CR1: variants seen among roughly 807,000 people sequenced by gnomAD.
CR1 encodes the protein complement C3b/C4b receptor 1 (Knops blood group), also known as complement receptor type 1.
CR1 carries 116 observed loss-of-function variants against 187.3 expected under a neutral mutation model. The observed-to-expected ratio is 0.62, with a 90% CI of 0.53 to 0.72. The LOEUF (loss-of-function observed/expected upper bound fraction) is 0.72. Among genes scored for constraint, CR1 ranks in the 30% least tolerant of loss-of-function variants. CR1 has a pLI of 0.00. For synonymous variants in CR1, 576 were observed against 747.1 expected, an observed-to-expected ratio of 0.77 and a Z score of 3.73; for missense variants, 1,731 against 2,110.7, an observed-to-expected ratio of 0.82 and a Z score of 3.52.
chr1:207,632,887 C>T (rs1253627340), intron 46 of CR1, among the ~76,000 whole-genome samples: 1 of 149,476 alleles, frequency 6.7e-6, no homozygotes, highest in Non-Finnish European at 1.5e-5. Context: ...CTCCAAAGTT[C>T]TTGCGTGAGG....
intron 4 of CR1, 140 bp downstream of exon 4, chr1:207,511,794 C>G: frequency 1.4e-6 from 1 of 696,984 alleles, no homozygotes; most frequent in Non-Finnish European, 2.3e-6. Context: ...CTCGAATATT[C>G]CTATGGGGTT....
chr1:207,631,951 C>T (rs897269670), intron 46 of CR1, among the ~76,000 whole-genome samples: 1 of 152,184 alleles, frequency 6.6e-6, no homozygotes, highest in Non-Finnish European at 1.5e-5. Context: ...CACCTACATA[C>T]ATCAGAAATC....
rs1179969727 is a variant in CR1, at chr1:207,526,873, C to A, written c.1007C>A (p.Ala336Glu). 1 of 1,495,946 alleles carries A rather than the reference C, an allele frequency of 6.7e-7. No homozygotes were observed. The highest frequency in any genetic ancestry group is 8.9e-7 in the Non-Finnish European group (1 of 1,129,856). The allele number at this position is 1,495,946 out of a possible 1,614,324, so 92.7% of individuals were successfully genotyped here. ...CCCGGCTACGACCTCAGAGGGGCTG[C>A]GTCTATGCGCTGCACACCCCAGGGA... ...CEPGYDLRGA[A>E]SMRCTPQGDW... The change falls in exon 6 of 47, where the codon GCG becomes GAG. Residue 336 changes from alanine (A) to glutamate (E), a missense_variant. Ala to Glu is a moderately radical substitution (Grantham distance 107, BLOSUM62 -1). Transcript: ENST00000367049.
At chr1:207,594,582 C>T (rs1661372260) in intron 35 of CR1, among the ~76,000 whole-genome samples, 1 of 152,004 alleles carries the variant, frequency 6.6e-6, no homozygotes. Context: ...GCACATGTAT[C>T]CCAGAATTTA....
At chr1:207,496,696 A>G (rs1275495629) in intron 1 of CR1, among the ~76,000 whole-genome samples, 1 of 152,240 alleles carries the variant, frequency 6.6e-6, no homozygotes, top group Non-Finnish European at 1.5e-5. Context: ...GTGTATTCAC[A>G]GCCTCGGCTG....
rs1184348669 is a variant in CR1, at chr1:207,506,921, C to T, written c.401+108C>T. ...AGGACAACTAAACTATTACCATCTG[C>T]TCTTTAACGGCTTCAACACAGATGT... On this transcript the variant is annotated intron_variant, in intron 3 of 46. Transcript: ENST00000367049. 18 of 852,354 alleles carry T rather than the reference C, an allele frequency of 2.1e-5. 1 individual carries two copies. In the Admixed American group the frequency reaches 4.9e-4, roughly 23 times the overall value. The allele number at this position is 852,354 out of a possible 1,614,324, so 52.8% of individuals were successfully genotyped here.
At chr1:207,590,486 G>T (rs953286995) in intron 35 of CR1, among the ~76,000 whole-genome samples, 1 of 152,132 alleles carries the variant, frequency 6.6e-6, no homozygotes, top group African/African-American at 2.4e-5. Context: ...GGAATAACTG[G>T]TACCAGCCAC....
chr1:207,564,554 C>T (rs1482354759), intron 23 of CR1, among the ~76,000 whole-genome samples: 1 of 149,998 alleles, frequency 6.7e-6, no homozygotes, highest in Non-Finnish European at 1.5e-5. Context: ...AATCCCAGCA[C>T]CTTTGGGAGG....
intron 28 of CR1, among the ~76,000 whole-genome samples, chr1:207,577,550 G>A (rs1332618844): frequency 1.3e-5 from 2 of 152,046 alleles, no homozygotes; most frequent in African/African-American, 2.4e-5. Flanking sequence ...CAGGCGGATT[G>A]TTTGAGGCCA....
At position 207,621,988 on chromosome 1, in the gene CR1, T is replaced by C. The variant is rs1372449830; in HGVS notation, c.7268T>C (p.Leu2423Pro). The change falls in exon 44 of 47, where the codon CTC (leucine) becomes CCC (proline). Residue 2423 changes from leucine to proline, a missense_variant. By Grantham distance (98) the Leu-to-Pro change is moderately conservative (BLOSUM62 -3). Coordinates refer to ENST00000367049, the MANE Select transcript of CR1 (RefSeq NM_000651.6). ...TTCCTTTTAGGTACACATGATGCTC[T>C]CATAGTTGGTAAGTTTTATGAAAGT... ...AKCTSRTHDA[L>P]IVGTLSGTIF... The C allele has an allele frequency of 1.3e-6, 2 of 1,597,858 alleles. No individual in the cohort carries two copies. The highest frequency in any genetic ancestry group is 1.7e-6 in the Non-Finnish European group (2 of 1,170,608).
At chr1:207,585,799 C>G (rs762579260) in intron 33 of CR1, among the ~76,000 whole-genome samples, 4 of 152,030 alleles carry the variant, frequency 2.6e-5, no homozygotes, top group African/African-American at 4.8e-5. Flanking sequence ...ATGGAGGAAG[C>G]CTTCTCCAAA....
chr1:207,609,252 A>G lies in CR1; in HGVS notation c.5897-38A>G, dbSNP rs780564821. On this transcript the variant is annotated intron_variant, in intron 36 of 46. Coordinates refer to ENST00000367049, the MANE Select transcript of CR1 (RefSeq NM_000651.6). Reference sequence around the variant, plus strand: ...TTCATAGTAAAATAATTCATTATTAAAAAATAAGCTGTTTTACCATACTCT... The same window carrying G: ...TTCATAGTAAAATAATTCATTATTAGAAAATAAGCTGTTTTACCATACTCT... The G allele has an allele frequency of 2.0e-6, 3 of 1,489,186 alleles. No individual in the cohort carries two copies. The East Asian group carries it at 7.0e-5, about 35-fold the overall frequency. 92.2% of individuals were successfully genotyped at this position (1,489,186 alleles called of 1,614,324 possible). A position where few individuals can be genotyped will look rare whatever the true frequency, so the allele number is the denominator to read the frequency against.
At chr1:207,496,520 G>A (rs2102326073) in intron 1 of CR1, 132 bp downstream of exon 1, 1 of 909,396 alleles carries the variant, frequency 1.1e-6, no homozygotes, top group Non-Finnish European at 1.6e-6. Context: ...TGGGTGGGCT[G>A]AGCGCGCGAC....
intron 34 of CR1, among the ~76,000 whole-genome samples, chr1:207,587,838 G>A (rs751595659): frequency 3.9e-5 from 6 of 152,262 alleles, no homozygotes; most frequent in Non-Finnish European, 8.8e-5. Context: ...ATAAAGGAAA[G>A]GATGGTCTTG....
intron 37 of CR1, among the ~76,000 whole-genome samples, chr1:207,611,414 G>A (rs905826411): frequency 2.0e-5 from 3 of 152,144 alleles, no homozygotes; most frequent in Non-Finnish European, 4.4e-5. Flanking sequence ...GAAAGCAAGA[G>A]GAATATGCTG....
chr1:207,521,442 A>AT (rs556134780), intron 4 of CR1, among the ~76,000 whole-genome samples: 11 of 151,876 alleles, frequency 7.2e-5, no homozygotes, highest in Admixed American at 2.0e-4. Flanking sequence ...TTTAGTCTGT[A>AT]TTTTTTAATC....
chr1:207,619,500 G>A lies in CR1; in HGVS notation c.7067-380G>A, dbSNP rs771995615. 5.3e-5 allele frequency among the ~76,000 whole-genome samples: 8 copies of A among 152,172 alleles called. No individual in the cohort carries two copies. In the East Asian group the frequency reaches 1.4e-3, roughly 26 times the overall value. On this transcript the variant is annotated intron_variant, in intron 42 of 46. Coordinates refer to ENST00000367049, the MANE Select transcript of CR1 (RefSeq NM_000651.6). Reference sequence around the variant, plus strand: ...GCCAGAATTATGCATTTAATAAAGAGCAGAGTGCCAGTATTTGTTGTGAAG... The same window carrying A: ...GCCAGAATTATGCATTTAATAAAGAACAGAGTGCCAGTATTTGTTGTGAAG...
chr1:207,584,555 T>C, intron 32 of CR1, 94 bp from the exon 33 acceptor site: 1 of 1,442,770 alleles, frequency 6.9e-7, no homozygotes, highest in Non-Finnish European at 9.4e-7. Flanking sequence ...GTACGCTTAA[T>C]TGGCAACACA....
intron 1 of CR1, 129 bp from the exon 2 acceptor site, chr1:207,505,775 G>T: frequency 1.0e-6 from 1 of 980,794 alleles, no homozygotes; most frequent in Non-Finnish European, 1.5e-6. Flanking sequence ...GGCGGAGGTT[G>T]CAGTGAGCCA....
Sources: gnomAD v4.1 joint callset for allele counts (sites outside exome capture counted in the v4.1 genomes callset) on GRCh38, gnomAD v4.1.1 for gene constraint, MANE v1.5 for transcripts, NCBI Gene and HGNC (gene_info 2026-07-23, HGNC 2026-07-21) for gene names.